Variants in WFDC3 observed in about 807,000 individuals in gnomAD.
The protein encoded by WFDC3 is WAP four-disulfide core domain 3, also known as WAP four-disulfide core domain protein 3.
In WFDC3, 15 loss-of-function variants were observed where a neutral mutation model predicts 25.8. The observed-to-expected ratio is 0.58, with a 90% CI of 0.39 to 0.89. The LOEUF is 0.89. Ranked by LOEUF, WFDC3 falls within the 40% of genes least tolerant of loss-of-function variation. The pLI is 0.00. For synonymous variants in WFDC3, 103 were observed against 107.1 expected (o/e 0.96, Z 0.24); for missense variants, 264 against 289.8 (o/e 0.91, Z 0.65).
intron 3 of WFDC3, 156 bp downstream of exon 3, chr20:45,788,775 T>G: frequency 1.0e-6 from 1 of 998,366 alleles, no homozygotes; most frequent in Non-Finnish European, 1.4e-6. Context: ...CACTGAATAA[T>G]TAAAGGAGGA....
Position 45,789,805 on chromosome 20 carries a change from C to T in WFDC3, c.82+89G>A. Reference sequence around the variant, plus strand: ...ATGATCATCTCCACTTACAAGCAACCTTGCTCTGGGAGAAGGCAGGGGATG... The same window carrying T: ...ATGATCATCTCCACTTACAAGCAACTTTGCTCTGGGAGAAGGCAGGGGATG... On this transcript the variant is annotated intron_variant, in intron 2 of 6. Transcript: ENST00000243938. 3.3e-6 allele frequency: 4 copies of T among 1,213,970 alleles called. No homozygotes were observed. In the South Asian group the frequency reaches 5.1e-5, roughly 15 times the overall value. 75.2% of individuals were successfully genotyped at this position (1,213,970 alleles called of 1,614,324 possible).
intron 4 of WFDC3, among the ~76,000 whole-genome samples, chr20:45,787,385 G>C (rs1386393459): frequency 1.3e-5 from 2 of 148,582 alleles, no homozygotes; most frequent in Admixed American, 1.4e-4. Flanking sequence ...CCGCCTTCTG[G>C]GTTCACGCCA....
chr20:45,791,180 T>C (rs1412304393), intron 1 of WFDC3, among the ~76,000 whole-genome samples: 4 of 123,740 alleles, frequency 3.2e-5, no homozygotes, highest in Admixed American at 7.8e-5. Context: ...ATGCTTTTTT[T>C]TTTTTTTTTT....
In WFDC3 at chr20:45,787,859, A is replaced by T. The variant is rs1189319123; in HGVS notation, c.335T>A (p.Val112Asp). 6.2e-7 allele frequency: 1 copy of T among 1,613,826 alleles called. No homozygotes were observed. The highest frequency in any genetic ancestry group is 1.7e-5 in the Admixed American group (1 of 59,968). ...ACCCAGCTTCTGTTTAGAGATTGGG[A>T]CTACACAGCTCTTGTTGCAGCCAAG... ...CTLGCNKSCV[V>D]PISKQKLAEF... The change falls in exon 4 of 7, where the codon GTC becomes GAC. Residue 112 changes from valine (V) to aspartate (D), a missense_variant. By Grantham distance (152) the Val-to-Asp change is radical. Transcript: ENST00000243938.
intron 4 of WFDC3, chr20:45,779,695 T>C (rs1336739047): frequency 6.6e-6 from 1 of 152,106 alleles, no homozygotes; most frequent in African/African-American, 2.4e-5. Flanking sequence ...CATAAACATC[T>C]CATAAAATTA....
At chr20:45,789,471 A>G (rs991531289) in intron 2 of WFDC3, among the ~76,000 whole-genome samples, 5 of 148,232 alleles carry the variant, frequency 3.4e-5, no homozygotes, top group African/African-American at 1.3e-4. Flanking sequence ...ACGCCACTGC[A>G]CTCCAGCCTG....
chr20:45,791,245 GC>G (rs746287204), intron 1 of WFDC3, among the ~76,000 whole-genome samples: 1 of 138,364 alleles, frequency 7.2e-6, no homozygotes, highest in Non-Finnish European at 1.5e-5. Flanking sequence ...ATGCAGTGGC[GC>G]GATCTCGGCA....
In WFDC3 at chr20:45,790,108, C is replaced by G. The variant is rs555001460; in HGVS notation, c.-7-126G>C. On this transcript the variant is annotated intron_variant, in intron 1 of 6. Transcript: ENST00000243938. The stretch of plus-strand genomic sequence containing the variant: ...TCCCAAAACCTTCCCTTTCACAATA[C>G]TCCCCAAGAATATCTTCTCCTGACA... The G allele has an allele frequency of 6.8e-4, 435 of 635,916 alleles. 3 individuals carry two copies. In the South Asian group the frequency reaches 7.8e-3, roughly 11 times the overall value. 39.4% of individuals were successfully genotyped at this position (635,916 alleles called of 1,614,324 possible).
chr20:45,785,364 G>C (rs1257032514), intron 4 of WFDC3, among the ~76,000 whole-genome samples: 1 of 151,780 alleles, frequency 6.6e-6, no homozygotes, highest in African/African-American at 2.4e-5. Flanking sequence ...CAGCTACTCA[G>C]GAGGCTGACG....
At chr20:45,776,390 G>A (rs1478850307) in intron 5 of WFDC3, among the ~76,000 whole-genome samples, 2 of 148,560 alleles carry the variant, frequency 1.3e-5, no homozygotes, top group East Asian at 2.0e-4. Context: ...GGCAGATCAC[G>A]AGGTCAGGAG....
Position 45,776,636 on chromosome 20 carries a change from ATAT to A in WFDC3, c.493+436_493+438del, listed in dbSNP as rs1264288905. ...AAGAAAAAAAAGAAAAAAAAAAAAA[ATAT>A]ATATATATATATATATATATATGTG... On this transcript the variant is annotated intron_variant, in intron 5 of 6. Coordinates refer to ENST00000243938, the MANE Select transcript of WFDC3 (RefSeq NM_080614.2). Among the ~76,000 whole-genome samples, 604 of 78,288 alleles carry A rather than the reference ATAT, an allele frequency of 7.7e-3. 5 individuals carry two copies. Among genetic ancestry groups the A allele is most frequent in the African/African-American group, 0.021 (433 of 21,050 alleles). 51.4% of individuals were successfully genotyped at this position (78,288 alleles called of 152,430 possible). A position where few individuals can be genotyped will look rare whatever the true frequency, so the allele number is the denominator to read the frequency against.
chr20:45,775,334 T>C (rs770518468), intron 6 of WFDC3, 83 bp downstream of exon 6: 122 of 1,532,548 alleles, frequency 8.0e-5, no homozygotes, highest in Non-Finnish European at 1.1e-4. Context: ...CCTGACCTTC[T>C]GAAGTCCCCT....
chr20:45,775,605 G>T lies in WFDC3; in HGVS notation c.494-3C>A, dbSNP rs775897485. ...TTTTGGACAATCACCGCCCCGCCCTGTGGGAACAACAGGCACAGGAAAAGG... is the reference window on the plus strand; with the variant it reads ...TTTTGGACAATCACCGCCCCGCCCTTTGGGAACAACAGGCACAGGAAAAGG... On this transcript the variant is annotated splice_region_variant and splice_polypyrimidine_tract_variant and intron_variant, in intron 5 of 6. Transcript: ENST00000243938. 1 of 1,614,048 alleles carries T rather than the reference G, an allele frequency of 6.2e-7. No homozygotes were observed. The highest frequency in any genetic ancestry group is 1.1e-5 in the South Asian group (1 of 91,076).
intron 4 of WFDC3, 126 bp from the exon 5 acceptor site, chr20:45,777,335 G>C: frequency 9.5e-7 from 1 of 1,048,164 alleles, no homozygotes; most frequent in Non-Finnish European, 1.2e-6. Context: ...ATATTTATGT[G>C]TATCATGTAT....
intron 4 of WFDC3, among the ~76,000 whole-genome samples, chr20:45,787,354 A>G (rs1265478428): frequency 7.7e-6 from 1 of 130,454 alleles, no homozygotes; most frequent in Admixed American, 9.1e-5. Flanking sequence ...GCAGTGGCAT[A>G]ATCTCGGCCC....
chr20:45,790,021 G>A, intron 1 of WFDC3, 39 bp from the exon 2 acceptor site: 1 of 1,552,656 alleles, frequency 6.4e-7, no homozygotes, highest in Non-Finnish European at 8.9e-7. Context: ...GGCTAGAGGT[G>A]TACACCTTGC....
intron 1 of WFDC3, 23 bp downstream of exon 1, chr20:45,791,809 A>T: frequency 2.5e-6 from 1 of 395,384 alleles, no homozygotes; most frequent in Non-Finnish European, 4.4e-6. Flanking sequence ...TCCCGAGAGG[A>T]AGCCCCAACG....
chr20:45,780,915 C>G (rs1247963231), intron 4 of WFDC3, among the ~76,000 whole-genome samples: 1 of 152,004 alleles, frequency 6.6e-6, no homozygotes, highest in African/African-American at 2.4e-5. Flanking sequence ...TCACAAATCC[C>G]CAGCTCTGAT....
At chr20:45,777,823 C>G (rs73306423) in intron 4 of WFDC3, among the ~76,000 whole-genome samples, 11,427 of 150,042 alleles carry the variant, frequency 0.076, 1,182 homozygotes, top group African/African-American at 0.23. Context: ...ACCCAGCCCA[C>G]CCTGATATTT....
Sources: allele counts gnomAD v4.1 joint callset (sites outside exome capture counted in the v4.1 genomes callset), GRCh38; gene constraint gnomAD v4.1.1; transcripts MANE v1.5; gene names NCBI Gene and HGNC (gene_info 2026-07-23, HGNC 2026-07-21).